Variants in NTN1 observed in about 807,000 individuals in gnomAD.
NTN1 encodes netrin-1.
NTN1 carries 11 observed loss-of-function variants against 54.2 expected under a neutral mutation model. The observed-to-expected ratio is 0.20, with a 90% CI of 0.13 to 0.34. The LOEUF (loss-of-function observed/expected upper bound fraction) is 0.34, where lower values mean the gene tolerates loss of function less well. NTN1 is among the 10% of genes least tolerant of loss of function. The pLI is 1.00. For synonymous variants in NTN1, 371 were observed against 382.0 expected, an observed-to-expected ratio of 0.97 and a Z score of 0.33; for missense variants, 740 against 893.1, an observed-to-expected ratio of 0.83 and a Z score of 2.18.
rs142619070 is a variant in NTN1 at position 9,217,123 on chromosome 17, C to G, written c.1412-4045C>G. The stretch of plus-strand genomic sequence containing the variant: ...CTGGTCCCTAGTGGTCCTGAAACTT[C>G]CCCTCCCTGGAGGAGGGATCGTCCC... On this transcript the variant is annotated intron_variant, in intron 5 of 6. Coordinates refer to ENST00000173229, the MANE Select transcript of NTN1 (RefSeq NM_004822.3). 1.7e-3 allele frequency among the ~76,000 whole-genome samples: 261 copies of G among 152,198 alleles called. 2 individuals carry two copies. Among genetic ancestry groups the G allele is most frequent in the African/African-American group, 6.0e-3 (248 of 41,528 alleles).
intron 2 of NTN1, among the ~76,000 whole-genome samples, chr17:9,049,015 T>C (rs2091950793): frequency 6.6e-6 from 1 of 152,220 alleles, no homozygotes; most frequent in Admixed American, 6.5e-5. Context: ...AAGTAAAATC[T>C]CTGGGATGGA....
intron 2 of NTN1, among the ~76,000 whole-genome samples, chr17:9,024,715 G>T (rs1168243376): frequency 6.6e-6 from 1 of 152,204 alleles, no homozygotes; most frequent in Non-Finnish European, 1.5e-5. Flanking sequence ...TGAAGACGCC[G>T]GGCCTCCCGC....
At chr17:9,201,962 C>T (rs554099513) in intron 5 of NTN1, among the ~76,000 whole-genome samples, 80 of 135,896 alleles carry the variant, frequency 5.9e-4, no homozygotes, top group Non-Finnish European at 9.7e-4. Flanking sequence ...CCAAGGCGGG[C>T]GAATCACAAG....
intron 5 of NTN1, among the ~76,000 whole-genome samples, chr17:9,204,781 G>C (rs958741336): frequency 4.6e-5 from 7 of 152,212 alleles, no homozygotes; most frequent in African/African-American, 1.7e-4. Context: ...GGAAGTTGAA[G>C]GACGTCAATG....
rs1906111967 is a variant in NTN1, at chr17:9,239,554, C to T, written c.1487-86C>T. On this transcript the variant is annotated intron_variant, in intron 6 of 6. Coordinates refer to ENST00000173229, the MANE Select transcript of NTN1 (RefSeq NM_004822.3). The surrounding 1 kb of genome is among the most constrained non-coding windows in gnomAD (Gnocchi z 5.2). ...GTGCAGTCACTTCCTGGGGCTGGGT[C>T]TCCTTTCCCTTCTCCCCAGGCTCAG... is the stretch of plus-strand genomic sequence containing the variant. 7.3e-7 allele frequency: 1 copy of T among 1,373,232 alleles called. No homozygotes were observed. The highest frequency in any genetic ancestry group is 1.0e-6 in the Non-Finnish European group (1 of 990,910). The allele number at this position is 1,373,232 out of a possible 1,614,324, so 85.1% of individuals were successfully genotyped here. A position where few individuals can be genotyped will look rare whatever the true frequency, so the allele number is the denominator to read the frequency against.
At chr17:9,168,303 C>A (rs1287315170) in intron 3 of NTN1, among the ~76,000 whole-genome samples, 1 of 152,192 alleles carries the variant, frequency 6.6e-6, no homozygotes, top group Non-Finnish European at 1.5e-5. Flanking sequence ...GAGGCCACGG[C>A]GGGCGGATTA....
At chr17:9,009,629 A>C in the NTN1 span, among the ~76,000 whole-genome samples, 1 of 152,180 alleles carries the variant, frequency 6.6e-6, no homozygotes, top group African/African-American at 2.4e-5. Flanking sequence ...TGATATATAA[A>C]CCAGCAATAC....
At chr17:9,063,211 C>A (rs9915957) in intron 2 of NTN1, among the ~76,000 whole-genome samples, 3 of 151,698 alleles carry the variant, frequency 2.0e-5, no homozygotes, top group African/African-American at 4.9e-5. Context: ...ATTATCCTGC[C>A]TCAGCCTCCT....
intron 2 of NTN1, among the ~76,000 whole-genome samples, chr17:9,075,189 A>G (rs2142219259): frequency 6.6e-6 from 1 of 152,300 alleles, no homozygotes; most frequent in Admixed American, 6.5e-5. Context: ...CCATCTATAA[A>G]ATGGGGTTCA....
intron 2 of NTN1, among the ~76,000 whole-genome samples, chr17:9,122,061 G>A (rs1267298109): frequency 1.4e-5 from 2 of 148,108 alleles, no homozygotes; most frequent in African/African-American, 2.5e-5. Flanking sequence ...TTTTTGAGAC[G>A]GAGTCTCGTT....
At chr17:9,043,261 A>T (rs1364270419) in intron 2 of NTN1, among the ~76,000 whole-genome samples, 1 of 152,160 alleles carries the variant, frequency 6.6e-6, no homozygotes, top group East Asian at 1.9e-4. Context: ...TACATTTGTG[A>T]AAGTGATAAT....
chr17:9,110,824 C>T (rs929305252), intron 2 of NTN1, among the ~76,000 whole-genome samples: 6 of 152,070 alleles, frequency 3.9e-5, no homozygotes, highest in East Asian at 1.9e-4. Context: ...CGCATCATTC[C>T]GGCCTCTGCC....
At chr17:9,006,135 G>A in the NTN1 span, among the ~76,000 whole-genome samples, 6 of 149,520 alleles carry the variant, frequency 4.0e-5, no homozygotes, top group Admixed American at 1.3e-4. Context: ...CTGGAAAAGT[G>A]GAAGAAAGTG....
the NTN1 span, among the ~76,000 whole-genome samples, chr17:9,003,710 G>A: frequency 6.6e-6 from 1 of 152,014 alleles, no homozygotes; most frequent in Non-Finnish European, 1.5e-5. The surrounding 1 kb of genome is among the most constrained non-coding windows in gnomAD (Gnocchi z 7.4). Context: ...CGGCCCCGGC[G>A]CCTGATTCAG....
chr17:9,221,150 CCCCCCA>C lies in NTN1; in HGVS notation c.1412-12_1412-7del. On this transcript the variant is annotated splice_polypyrimidine_tract_variant and intron_variant, in intron 5 of 6. Coordinates refer to ENST00000173229, the MANE Select transcript of NTN1 (RefSeq NM_004822.3). This position sits in a 1 kb window ranked among gnomAD's most constrained non-coding sequence, Gnocchi z 4.5. ...CCTAATTAGTTTTTGTCTGTGCTCC[CCCCCCA>C]CCCCCCTGCAGACTGCGATTCCTAC... is the stretch of plus-strand genomic sequence containing the variant. 6.8e-7 allele frequency: 1 copy of C among 1,472,022 alleles called. No individual in the cohort carries two copies. Among genetic ancestry groups the C allele is most frequent in the Non-Finnish European group, 9.4e-7 (1 of 1,060,862 alleles). 91.2% of individuals were successfully genotyped at this position (1,472,022 alleles called of 1,614,324 possible).
chr17:9,211,176 CA>C lies in NTN1; in HGVS notation c.1412-9989del, dbSNP rs1456537582. 6.6e-6 allele frequency among the ~76,000 whole-genome samples: 1 copy of C among 152,182 alleles called. No homozygotes were observed. Among genetic ancestry groups the C allele is most frequent in the African/African-American group, 2.4e-5 (1 of 41,430 alleles). On this transcript the variant is annotated intron_variant, in intron 5 of 6. Transcript: ENST00000173229. The surrounding 1 kb of genome is among the most constrained non-coding windows in gnomAD (Gnocchi z 4.4). ...ACTGTAAGCCTCATCTCTGGCTGTG[CA>C]AACCCCAGCTTTTGCCAGCTCCAGT... is the stretch of plus-strand genomic sequence containing the variant.
At chr17:9,126,560 G>A (rs1354935658) in intron 2 of NTN1, among the ~76,000 whole-genome samples, 1 of 152,094 alleles carries the variant, frequency 6.6e-6, no homozygotes, top group Non-Finnish European at 1.5e-5. Context: ...GTAAGTTCTG[G>A]GCACATCAAA....
rs953229417 is a variant in NTN1, at chr17:9,240,423, T to C, written c.*455T>C. 1 of 151,684 alleles carries C rather than the reference T, an allele frequency of 6.6e-6. No individual in the cohort carries two copies. Among genetic ancestry groups the C allele is most frequent in the African/African-American group, 2.4e-5 (1 of 41,240 alleles). The allele number at this position is 151,684 out of a possible 1,614,324, so 9.4% of individuals were successfully genotyped here. A position where few individuals can be genotyped will look rare whatever the true frequency, so the allele number is the denominator to read the frequency against. On this transcript the variant is annotated 3_prime_UTR_variant, in exon 7 of 7. Coordinates refer to ENST00000173229, the MANE Select transcript of NTN1 (RefSeq NM_004822.3). Reference sequence around the variant, plus strand: ...GGAGAACTGTGAATTCTCAAGCCCGTAGTGTGGGCGGGGCGCGGAGCACCC... The same window carrying C: ...GGAGAACTGTGAATTCTCAAGCCCGCAGTGTGGGCGGGGCGCGGAGCACCC...
chr17:9,227,837 C>G (rs534906170), intron 6 of NTN1, among the ~76,000 whole-genome samples: 1 of 151,092 alleles, frequency 6.6e-6, no homozygotes, highest in African/African-American at 2.4e-5. Context: ...ACATACCACA[C>G]GCATTATCGC....
Sources: gnomAD v4.1 joint callset for allele counts (sites outside exome capture counted in the v4.1 genomes callset) on GRCh38, gnomAD v4.1.1 for gene constraint, Gnocchi (gnomAD v3.1) non-coding constraint, MANE v1.5 for transcripts, NCBI Gene and HGNC (gene_info 2026-07-23, HGNC 2026-07-21) for gene names.